Variants in IQGAP1 observed in about 807,000 individuals in gnomAD.
The protein encoded by IQGAP1 is ras GTPase-activating-like protein IQGAP1.
IQGAP1 carries 66 observed loss-of-function variants against 215.6 expected under a neutral mutation model. That is an observed-to-expected ratio of 0.31 (90% CI 0.25 to 0.38). The LOEUF is 0.38. Ranked by LOEUF, IQGAP1 falls within the 10% of genes least tolerant of loss-of-function variation. The pLI is 1.00. For missense variants in IQGAP1, 1,712 were observed against 1,997.1 expected (o/e 0.86, Z 2.72); for synonymous variants, 772 against 728.7 (o/e 1.06, Z -0.96).
At chr15:90,474,716 G>A (rs1484539601) in intron 23 of IQGAP1, 23 bp downstream of exon 23, 2 of 1,560,446 alleles carry the variant, frequency 1.3e-6, no homozygotes, top group Non-Finnish European at 1.8e-6. Context: ...GCCAGCGGGG[G>A]CCTTGGAACG....
At chr15:90,404,975 A>G (rs1390351624) in intron 2 of IQGAP1, among the ~76,000 whole-genome samples, 2 of 152,186 alleles carry the variant, frequency 1.3e-5, no homozygotes, top group African/African-American at 4.8e-5. Context: ...AATTTTTTGC[A>G]TGATTTTTAA....
At chr15:90,474,421 G>T (rs1005900319) in intron 22 of IQGAP1, 64 bp from the exon 23 acceptor site, 2 of 1,246,202 alleles carry the variant, frequency 1.6e-6, no homozygotes, top group African/African-American at 3.0e-5. Context: ...TCAAGACAAT[G>T]CTATTTCCTG....
At chr15:90,483,685 C>A in intron 29 of IQGAP1, 92 bp downstream of exon 29, 1 of 854,864 alleles carries the variant, frequency 1.2e-6, no homozygotes, top group South Asian at 1.6e-5. Flanking sequence ...CTCTCACTTT[C>A]CCCGGACTGC....
chr15:90,411,911 A>C (rs1342203877), intron 2 of IQGAP1, among the ~76,000 whole-genome samples: 1 of 152,082 alleles, frequency 6.6e-6, no homozygotes, highest in Non-Finnish European at 1.5e-5. Flanking sequence ...CAAACGAAAA[A>C]CTTTATTGGA....
chr15:90,390,666 T>G (rs907011728), intron 1 of IQGAP1, 108 bp from the exon 2 acceptor site: 38 of 724,160 alleles, frequency 5.2e-5, no homozygotes, highest in Non-Finnish European at 6.6e-5. Context: ...CACTCATTAG[T>G]TATCCTGACT....
At chr15:90,403,294 C>A (rs1461597224) in intron 2 of IQGAP1, among the ~76,000 whole-genome samples, 1 of 152,076 alleles carries the variant, frequency 6.6e-6, no homozygotes, top group Non-Finnish European at 1.5e-5. Flanking sequence ...TTGGGCAATA[C>A]CTTTTCATAA....
chr15:90,413,529 G>T (rs1325517225), intron 2 of IQGAP1, among the ~76,000 whole-genome samples: 3 of 152,152 alleles, frequency 2.0e-5, no homozygotes, highest in African/African-American at 4.8e-5. Flanking sequence ...CATGATAAAT[G>T]ATTACATTTT....
intron 29 of IQGAP1, among the ~76,000 whole-genome samples, chr15:90,483,980 T>G (rs901595295): frequency 2.6e-5 from 4 of 152,208 alleles, no homozygotes; most frequent in Admixed American, 2.6e-4. Flanking sequence ...TGGAAACTTT[T>G]AAGTCATGGT....
chr15:90,418,384 G>A (rs1290304921), intron 2 of IQGAP1, among the ~76,000 whole-genome samples: 2 of 151,244 alleles, frequency 1.3e-5, no homozygotes, highest in South Asian at 4.2e-4. Context: ...CCCAGGAGTT[G>A]GAGACCAGCC....
intron 18 of IQGAP1, among the ~76,000 whole-genome samples, chr15:90,472,482 G>A (rs897336230): frequency 3.3e-5 from 5 of 152,136 alleles, no homozygotes; most frequent in African/African-American, 4.8e-5. Context: ...CCCTCGGTAC[G>A]TGGCACACAG....
intron 15 of IQGAP1, among the ~76,000 whole-genome samples, chr15:90,464,625 C>T (rs1221494729): frequency 6.6e-6 from 1 of 151,988 alleles, no homozygotes; most frequent in East Asian, 1.9e-4. Flanking sequence ...CCAGGACGTG[C>T]AGATCACAAG....
At position 90,449,467 on chromosome 15, in the gene IQGAP1, G is replaced by C. The variant is rs1231042851; in HGVS notation, c.1078-92G>C. On this transcript the variant is annotated intron_variant, in intron 10 of 37. Coordinates refer to ENST00000268182, the MANE Select transcript of IQGAP1 (RefSeq NM_003870.4). ...GTCACTTATGACTATGGCTCTCTCT[G>C]TCCCTAGTGACTGCTTTTGAGAGAT... is the stretch of plus-strand genomic sequence containing the variant. 2.9e-6 allele frequency: 3 copies of C among 1,035,986 alleles called. No individual in the cohort carries two copies. The African/African-American group carries it at 4.8e-5, about 17-fold the overall frequency. The allele number at this position is 1,035,986 out of a possible 1,614,324, so 64.2% of individuals were successfully genotyped here.
chr15:90,476,729 A>T lies in IQGAP1; in HGVS notation c.2851A>T (p.Ile951Leu). ...NKEQLSDMMM[I>L]NKQKGGLKAL... is the part of the protein sequence containing the mutation. ...GGAACAGTTGTCTGATATGATGATG[A>T]TAAATAAACAGAAGGGAGGTCTCAA... The change falls in exon 24 of 38, where the codon ATA becomes TTA. Residue 951 changes from isoleucine (I) to leucine (L), a missense_variant. This residue lies in a region of IQGAP1 where 691 missense variants were observed against 923.0 expected (regional missense o/e 0.75). Coordinates refer to ENST00000268182, the MANE Select transcript of IQGAP1 (RefSeq NM_003870.4). 1 of 1,606,690 alleles carries T rather than the reference A, an allele frequency of 6.2e-7. No individual in the cohort carries two copies. The highest frequency in any genetic ancestry group is 1.3e-5 in the African/African-American group (1 of 74,364).
intron 14 of IQGAP1, among the ~76,000 whole-genome samples, chr15:90,454,929 C>A (rs951796258): frequency 6.6e-6 from 1 of 152,232 alleles, no homozygotes; most frequent in Admixed American, 6.5e-5. Context: ...GGCCACTGTA[C>A]TTCTGAACAA....
At chr15:90,487,426 C>A in intron 32 of IQGAP1, 69 bp from the exon 33 acceptor site, 1 of 1,116,774 alleles carries the variant, frequency 9.0e-7, no homozygotes, top group Non-Finnish European at 1.4e-6. Context: ...GCTGCTGCTG[C>A]TGCTTCGGTC....
At position 90,492,582 on chromosome 15, in the gene IQGAP1, A is replaced by T; in HGVS notation, c.4499A>T (p.Lys1500Met). Residue 1500 changes from lysine (K) to methionine (M), a missense_variant, in exon 35 of 38, where the codon AAG becomes ATG. Coordinates refer to ENST00000268182, the MANE Select transcript of IQGAP1 (RefSeq NM_003870.4). ...RNQRRYRQRR[K>M]AELVKLQQTY... ...CAGCGGAGGTACCGACAGAGGAGAA[A>T]GGCCGAACTAGTGAAACTGCAACAG... 1 of 1,612,078 alleles carries T rather than the reference A, an allele frequency of 6.2e-7. No individual in the cohort carries two copies. Among genetic ancestry groups the T allele is most frequent in the Non-Finnish European group, 8.5e-7 (1 of 1,179,506 alleles).
At chr15:90,410,902 AAG>A (rs1188487360) in intron 2 of IQGAP1, among the ~76,000 whole-genome samples, 10 of 152,120 alleles carry the variant, frequency 6.6e-5, no homozygotes, top group African/African-American at 2.4e-4. Flanking sequence ...GAAAAAGAAA[AAG>A]AAATTTCTCT....
At chr15:90,405,950 G>A (rs1964872134) in intron 2 of IQGAP1, among the ~76,000 whole-genome samples, 1 of 152,020 alleles carries the variant, frequency 6.6e-6, no homozygotes, top group African/African-American at 2.4e-5. Context: ...TCTCCGTTGA[G>A]TTATCCTGTT....
intron 28 of IQGAP1, chr15:90,482,604 TCTG>T (rs1415847202): frequency 4.2e-6 from 2 of 479,918 alleles, no homozygotes; most frequent in Non-Finnish European, 6.4e-6. Flanking sequence ...CACAGTTGTT[TCTG>T]CTAAGGCTGT....
Sources: allele counts gnomAD v4.1 joint callset (sites outside exome capture counted in the v4.1 genomes callset), GRCh38; gene constraint gnomAD v4.1.1; regional missense constraint gnomAD v4.1.1; transcripts MANE v1.5; gene names NCBI Gene and HGNC (gene_info 2026-07-23, HGNC 2026-07-21).